Variants in QTGAL observed in about 807,000 individuals in gnomAD.
QTGAL encodes queuosine-tRNA galactosyltransferase, also known as BGnT-like protein 1.
the QTGAL span, among the ~76,000 whole-genome samples, chr17:83,043,732 A>G: frequency 1.2e-4 from 19 of 152,314 alleles, no homozygotes; most frequent in East Asian, 3.7e-3. Flanking sequence ...TTCTTTGAAG[A>G]GGGTCAACAA....
chr17:82,997,359 C>T, the QTGAL span, among the ~76,000 whole-genome samples: 1 of 152,152 alleles, frequency 6.6e-6, no homozygotes, highest in Admixed American at 6.5e-5. Flanking sequence ...GTTAAAATGG[C>T]TTTTATCCAA....
At chr17:83,024,799 T>C in the QTGAL span, among the ~76,000 whole-genome samples, 1 of 152,248 alleles carries the variant, frequency 6.6e-6, no homozygotes, top group African/African-American at 2.4e-5. Flanking sequence ...GCTGTGATGC[T>C]GAGGAGTGAC....
At chr17:83,021,447 TA>T in the QTGAL span, among the ~76,000 whole-genome samples, 89,931 of 151,954 alleles carry the variant, frequency 0.59, 26,805 homozygotes, top group South Asian at 0.65. Flanking sequence ...CAAAAATACT[TA>T]AGAGATATAT....
chr17:83,008,490 G>A, the QTGAL span, among the ~76,000 whole-genome samples: 1 of 152,116 alleles, frequency 6.6e-6, no homozygotes, highest in Non-Finnish European at 1.5e-5. Flanking sequence ...GAGGGGACAC[G>A]GGGGGCTGTG....
chr17:83,041,382 C>T, the QTGAL span, among the ~76,000 whole-genome samples: 1 of 152,334 alleles, frequency 6.6e-6, no homozygotes, highest in East Asian at 1.9e-4. Context: ...TTCATCTACA[C>T]ATCCAGGAAG....
At chr17:82,983,980 C>G in the QTGAL span, among the ~76,000 whole-genome samples, 1 of 146,340 alleles carries the variant, frequency 6.8e-6, no homozygotes, top group Non-Finnish European at 1.5e-5. Flanking sequence ...GAAGAGAGGC[C>G]ATATGATCAC....
At chr17:83,014,396 A>C in the QTGAL span, 5 of 1,569,868 alleles carry the variant, frequency 3.2e-6, no homozygotes, top group Non-Finnish European at 4.4e-6. Context: ...TTTATTTAAA[A>C]AACCACAGTG....
the QTGAL span, chr17:83,030,934 G>A: frequency 2.0e-5 from 3 of 152,268 alleles, no homozygotes; most frequent in African/African-American, 7.2e-5. Context: ...AAACCTGGTC[G>A]GCTCAGAAGT....
At chr17:82,954,977 A>T in the QTGAL span, among the ~76,000 whole-genome samples, 3 of 152,252 alleles carry the variant, frequency 2.0e-5, no homozygotes. Context: ...ATGAAAAATT[A>T]ACTCAAGATG....
chr17:83,049,765 G>A, the QTGAL span, among the ~76,000 whole-genome samples: 3 of 152,064 alleles, frequency 2.0e-5, no homozygotes, highest in Admixed American at 6.6e-5. Flanking sequence ...ACTTCGTTTC[G>A]GGCTAGTGTA....
chr17:82,969,134 GAAAA>G, the QTGAL span, among the ~76,000 whole-genome samples: 2 of 141,752 alleles, frequency 1.4e-5, no homozygotes, highest in Admixed American at 6.9e-5. Flanking sequence ...TCCATTTCAG[GAAAA>G]AAAAAAAAAA....
chr17:82,956,955 C>T, the QTGAL span: 4 of 941,646 alleles, frequency 4.2e-6, no homozygotes, highest in Non-Finnish European at 6.5e-6. This position sits in a 1 kb window ranked among gnomAD's most constrained non-coding sequence, Gnocchi z 5.7. Flanking sequence ...GCCACCCCCG[C>T]CTGACACCCG....
At chr17:82,991,895 A>C in the QTGAL span, among the ~76,000 whole-genome samples, 1 of 152,204 alleles carries the variant, frequency 6.6e-6, no homozygotes, top group Non-Finnish European at 1.5e-5. Flanking sequence ...GAAATTCTGG[A>C]GCTGAAAAAT....
chr17:82,974,341 G>C, the QTGAL span, among the ~76,000 whole-genome samples: 1 of 152,222 alleles, frequency 6.6e-6, no homozygotes, highest in East Asian at 1.9e-4. Flanking sequence ...TGAGGTGAAG[G>C]ACGAGCTTGG....
At chr17:83,035,012 A>G in the QTGAL span, 3 of 1,555,090 alleles carry the variant, frequency 1.9e-6, no homozygotes, top group Non-Finnish European at 2.7e-6. Flanking sequence ...TTTATACATT[A>G]TAAACAAAAG....
the QTGAL span, among the ~76,000 whole-genome samples, chr17:83,050,108 C>T: frequency 6.6e-6 from 1 of 152,166 alleles, no homozygotes; most frequent in Admixed American, 6.5e-5. Context: ...CGGTAGCTCA[C>T]GCCTGTAATC....
the QTGAL span, among the ~76,000 whole-genome samples, chr17:82,977,106 C>G: frequency 1.3e-5 from 2 of 152,234 alleles, no homozygotes; most frequent in Non-Finnish European, 2.9e-5. Context: ...TTAACGTAAG[C>G]CAAACGCTGG....
At chr17:82,972,922 C>G in the QTGAL span, among the ~76,000 whole-genome samples, 1 of 150,634 alleles carries the variant, frequency 6.6e-6, no homozygotes, top group Non-Finnish European at 1.5e-5. Context: ...CGGTACTGAC[C>G]ACACCACACT....
chr17:83,042,715 G>A, the QTGAL span, among the ~76,000 whole-genome samples: 22,849 of 152,146 alleles, frequency 0.15, 1,787 homozygotes, highest in African/African-American at 0.21. Flanking sequence ...CACTTTAAAT[G>A]TAAATGGACT....
Sources: allele counts gnomAD v4.1 joint callset (sites outside exome capture counted in the v4.1 genomes callset), GRCh38; gene constraint gnomAD v4.1.1; non-coding constraint Gnocchi (gnomAD v3.1); transcripts MANE v1.5; gene names NCBI Gene and HGNC (gene_info 2026-07-23, HGNC 2026-07-21).